Variants in C11orf21 observed in about 807,000 individuals in gnomAD.
C11orf21 encodes chromosome 11 open reading frame 21.
In C11orf21, 19 loss-of-function variants were observed where a neutral mutation model predicts 15.2. That is an observed-to-expected ratio of 1.25 (90% CI 0.87 to 1.84). The LOEUF is 1.84. Among genes scored for constraint, C11orf21 ranks in the 40% most tolerant of loss-of-function variants. The pLI, the probability that C11orf21 is intolerant of heterozygous loss-of-function variation, is 0.00. For synonymous variants in C11orf21, 62 were observed against 66.8 expected, an observed-to-expected ratio of 0.93 and a Z score of 0.35; for missense variants, 171 against 174.4, an observed-to-expected ratio of 0.98 and a Z score of 0.11.
intron 1 of C11orf21, chr11:2,301,107 G>A (rs1174342389): frequency 3.0e-6 from 1 of 336,918 alleles, no homozygotes; most frequent in Non-Finnish European, 5.6e-6. Flanking sequence ...TCCGCAGAGG[G>A]AGGGAGGCGG....
Position 2,300,690 on chromosome 11 carries a change from A to T in C11orf21, c.54-77T>A, listed in dbSNP as rs533890569. ...GCTCCGAAATTCTTCAGACCTGATG[A>T]AGAGGTGTCCCAGAAGCGGGTGGTG... On this transcript the variant is annotated intron_variant, in intron 1 of 3. Coordinates refer to ENST00000381153, the MANE Select transcript of C11orf21 (RefSeq NM_001329958.2). 1.8e-4 allele frequency: 280 copies of T among 1,550,164 alleles called. 2 individuals carry two copies. In the South Asian group the frequency reaches 3.1e-3, roughly 17 times the overall value.
upstream of C11orf21, chr11:2,302,787 G>A (rs890909864): frequency 2.0e-6 from 3 of 1,477,584 alleles, no homozygotes; most frequent in Non-Finnish European, 2.8e-6. Context: ...CTGGGGCCGA[G>A]CTCCCTGCTC....
chr11:2,301,802 T>C lies in C11orf21; in HGVS notation c.7A>G (p.Arg3Gly). 4 of 1,550,690 alleles carry C rather than the reference T, an allele frequency of 2.6e-6. No individual in the cohort carries two copies. The highest frequency in any genetic ancestry group is 2.6e-6 in the Non-Finnish European group (3 of 1,146,898). The change falls in exon 1 of 4, where the codon AGG becomes GGG. Residue 3 changes from arginine to glycine, a missense_variant. By Grantham distance (125) the Arg-to-Gly change is moderately radical. Coordinates refer to ENST00000381153, the MANE Select transcript of C11orf21 (RefSeq NM_001329958.2). MG[R>G]TWCGMWRRRR... ...CTCCTCCACATCCCACACCAGGTCC[T>C]GCCCATGACTTTCCCCCTCTCAGCG...
chr11:2,299,347 A>C, intron 3 of C11orf21, 81 bp downstream of exon 3: 1 of 1,417,794 alleles, frequency 7.1e-7, no homozygotes, highest in Non-Finnish European at 9.4e-7. Context: ...GAAGCTCTTG[A>C]GTGCCTCCCC....
At chr11:2,299,738 G>A (rs77106869) in intron 2 of C11orf21, 31 bp from the exon 3 acceptor site, 4 of 1,547,806 alleles carry the variant, frequency 2.6e-6, no homozygotes, top group Non-Finnish European at 3.5e-6. Context: ...AGAGTGAGCG[G>A]GCGCACCTGG....
intron 2 of C11orf21, 148 bp from the exon 3 acceptor site, chr11:2,299,855 C>T (rs1847637772): frequency 3.7e-6 from 3 of 809,064 alleles, no homozygotes; most frequent in African/African-American, 1.7e-5. Context: ...CGCCTGCACA[C>T]GCATCCATGC....
chr11:2,300,008 G>T (rs1032660768), intron 2 of C11orf21, among the ~76,000 whole-genome samples: 1 of 148,646 alleles, frequency 6.7e-6, no homozygotes, highest in Non-Finnish European at 1.5e-5. Context: ...CCAGCTCCTT[G>T]GGGCTGAACC....
At chr11:2,300,398 A>T in intron 2 of C11orf21, 122 bp downstream of exon 2, 1 of 682,594 alleles carries the variant, frequency 1.5e-6, no homozygotes, top group Non-Finnish European at 2.4e-6. Context: ...CCCCTCAACA[A>T]GCCACTTCCT....
In C11orf21 at chr11:2,301,747, G is replaced by A. The variant is rs949911536; in HGVS notation, c.53+9C>T. The stretch of plus-strand genomic sequence containing the variant: ...CCACACTTGCTCACTCCCAGGACGG[G>A]GAGCTCACCTCCTCCTCCCCGGGCG... On this transcript the variant is annotated intron_variant, in intron 1 of 3. Transcript: ENST00000381153. 3 of 1,545,942 alleles carry A rather than the reference G, an allele frequency of 1.9e-6. No homozygotes were observed. Among genetic ancestry groups the A allele is most frequent in the Admixed American group, 2.0e-5 (1 of 50,870 alleles).
chr11:2,301,384 C>T (rs116932592), intron 1 of C11orf21: 2,417 of 210,954 alleles, frequency 0.011, 40 homozygotes, highest in South Asian at 0.042. Flanking sequence ...GCCCCAGAGG[C>T]CCACGGAAAC....
chr11:2,298,547 C>T (rs547053013), intron 3 of C11orf21, among the ~76,000 whole-genome samples: 4 of 152,306 alleles, frequency 2.6e-5, no homozygotes, highest in Non-Finnish European at 5.9e-5. Flanking sequence ...CCTTCCCCTG[C>T]CCCCAGTCCT....
At chr11:2,301,568 G>A (rs1193265886) in intron 1 of C11orf21, 188 bp downstream of exon 1, 1 of 548,780 alleles carries the variant, frequency 1.8e-6, no homozygotes, top group Non-Finnish European at 3.2e-6. Context: ...ATATCCATGA[G>A]TGCCGCCCAC....
In C11orf21 at chr11:2,300,546, T is replaced by C; in HGVS notation, c.121A>G (p.Thr41Ala). ...TGGTCTCTGGAGGGCCAGCCGGGGG[T>C]TCCCGTCCACCTGTCAGGGGGTTCG... Reference protein sequence around the residue: ...GVEPPDRWTGTPGWPSRDQEA... With the variant: ...GVEPPDRWTGAPGWPSRDQEA... Residue 41 changes from threonine (T) to alanine (A), a missense_variant, in exon 2 of 4, where the codon ACC becomes GCC. By Grantham distance (58) the Thr-to-Ala change is moderately conservative (BLOSUM62 0). Transcript: ENST00000381153. 1 of 1,548,042 alleles carries C rather than the reference T, an allele frequency of 6.5e-7. No homozygotes were observed. Among genetic ancestry groups the C allele is most frequent in the Non-Finnish European group, 8.7e-7 (1 of 1,146,016 alleles).
At position 2,300,628 on chromosome 11, in the gene C11orf21, A is replaced by C. The variant is rs1450240263; in HGVS notation, c.54-15T>G. On this transcript the variant is annotated splice_polypyrimidine_tract_variant and intron_variant, in intron 1 of 3. Coordinates refer to ENST00000381153, the MANE Select transcript of C11orf21 (RefSeq NM_001329958.2). ...TGGGCACAGCGCTGGTGTGAGAAGG[A>C]GGCCATCAGGACAGGTCAAGAACCC... The C allele has an allele frequency of 6.4e-7, 1 of 1,550,678 alleles. No individual in the cohort carries two copies.
At chr11:2,298,489 G>A (rs947488950) in intron 3 of C11orf21, among the ~76,000 whole-genome samples, 2 of 152,230 alleles carry the variant, frequency 1.3e-5, no homozygotes, top group Admixed American at 6.5e-5. Context: ...CAGGGAGTGT[G>A]GGGACCATTA....
At chr11:2,300,109 A>G (rs1393995872) in intron 2 of C11orf21, among the ~76,000 whole-genome samples, 10 of 24,406 alleles carry the variant, frequency 4.1e-4, no homozygotes, top group Admixed American at 9.5e-4. Flanking sequence ...GGGGTTTGTG[A>G]GGGTGGGCAG....
upstream of C11orf21, chr11:2,303,091 G>GCCCCTCCCT: frequency 2.6e-6 from 2 of 780,652 alleles, no homozygotes; most frequent in Non-Finnish European, 4.1e-6. Flanking sequence ...GTCAGGGGCA[G>GCCCCTCCCT]GGAGGGGCTG....
chr11:2,300,931 C>T (rs780084730), intron 1 of C11orf21: 6 of 654,860 alleles, frequency 9.2e-6, no homozygotes, highest in Non-Finnish European at 1.6e-5. Flanking sequence ...CACACCTAGG[C>T]CCCCAGCTGA....
At chr11:2,299,848 C>CCAA in intron 2 of C11orf21, 141 bp from the exon 3 acceptor site, 3 of 444,496 alleles carry the variant, frequency 6.7e-6, no homozygotes, top group Admixed American at 5.0e-5. Flanking sequence ...GCATCCACGC[C>CCAA]TGCACACGCA....
Sources: allele counts gnomAD v4.1 joint callset (sites outside exome capture counted in the v4.1 genomes callset), GRCh38; gene constraint gnomAD v4.1.1; transcripts MANE v1.5; gene names NCBI Gene and HGNC (gene_info 2026-07-23, HGNC 2026-07-21).